The following ERC2 variants were observed in gnomAD, a reference collection of about 807,000 sequenced individuals.
ERC2 encodes ELKS/RAB6-interacting/CAST family member 2.
In ERC2, 42 loss-of-function variants were observed where a neutral mutation model predicts 114.8. The ratio of observed to expected loss-of-function variants is 0.37; its 90% CI spans 0.29 to 0.47. The LOEUF is 0.47. Among genes scored for constraint, ERC2 ranks in the 20% least tolerant of loss-of-function variants. The pLI is 0.99. For missense variants in ERC2, 939 were observed against 1,150.7 expected, an observed-to-expected ratio of 0.82 and a Z score of 2.66; for synonymous variants, 454 against 425.5, an observed-to-expected ratio of 1.07 and a Z score of -0.82.
chr3:56,432,440 A>G (rs2061833643), intron 2 of ERC2, among the ~76,000 whole-genome samples: 1 of 152,228 alleles, frequency 6.6e-6, no homozygotes, highest in African/African-American at 2.4e-5. Flanking sequence ...GTTCATAAAG[A>G]CTTCATGAAC....
intron 3 of ERC2, among the ~76,000 whole-genome samples, chr3:56,207,511 T>C (rs1323330295): frequency 6.6e-6 from 1 of 152,168 alleles, no homozygotes. Context: ...TATTGAGATA[T>C]TTCCCATTAA....
chr3:56,016,298 G>A (rs540460243), intron 8 of ERC2, among the ~76,000 whole-genome samples: 2 of 152,066 alleles, frequency 1.3e-5, no homozygotes, highest in African/African-American at 4.8e-5. Context: ...GTGTCCTGAA[G>A]GGTATTGCCT....
At chr3:55,746,329 G>A (rs978324636) in intron 14 of ERC2, among the ~76,000 whole-genome samples, 2 of 152,104 alleles carry the variant, frequency 1.3e-5, no homozygotes, top group Non-Finnish European at 2.9e-5. Context: ...TGCCTCCCGG[G>A]TTCAAGCGAT....
At chr3:55,728,529 T>C (rs1204057609) in intron 15 of ERC2, among the ~76,000 whole-genome samples, 1 of 152,116 alleles carries the variant, frequency 6.6e-6, no homozygotes, top group Admixed American at 6.5e-5. Flanking sequence ...ACAGAGCACA[T>C]TGGTTTGAGT....
At chr3:56,438,381 C>T (rs568939627) in intron 1 of ERC2, among the ~76,000 whole-genome samples, 6 of 150,944 alleles carry the variant, frequency 4.0e-5, no homozygotes, top group African/African-American at 4.9e-5. Context: ...TAAACCCTTA[C>T]GTTAGTTGGT....
At chr3:56,166,575 T>C (rs1472144233) in intron 4 of ERC2, among the ~76,000 whole-genome samples, 3 of 152,110 alleles carry the variant, frequency 2.0e-5, no homozygotes, top group South Asian at 2.1e-4. Context: ...TCATTTCCTT[T>C]AACATATAAG....
At chr3:56,150,584 C>A (rs2081364804) in intron 4 of ERC2, among the ~76,000 whole-genome samples, 1 of 151,802 alleles carries the variant, frequency 6.6e-6, no homozygotes. Context: ...TTTCATTTTC[C>A]TTTAAAAATA....
intron 17 of ERC2, among the ~76,000 whole-genome samples, chr3:55,622,581 T>A (rs966949935): frequency 6.6e-6 from 1 of 152,122 alleles, no homozygotes; most frequent in African/African-American, 2.4e-5. Flanking sequence ...GCAGCTTAAA[T>A]GTGCTACAGA....
intron 7 of ERC2, among the ~76,000 whole-genome samples, chr3:56,062,151 C>T (rs572400648): frequency 6.6e-6 from 1 of 152,200 alleles, no homozygotes; most frequent in Admixed American, 6.5e-5. Flanking sequence ...AATAAAAAGG[C>T]TATACTGTTT....
At chr3:55,761,910 TTCTC>T (rs1189787764) in intron 14 of ERC2, among the ~76,000 whole-genome samples, 1 of 147,430 alleles carries the variant, frequency 6.8e-6, no homozygotes, top group Non-Finnish European at 1.5e-5. Context: ...TGGCTTTCTT[TTCTC>T]TCTCTCTCTG....
At chr3:55,704,337 T>G (rs1042961378) in intron 15 of ERC2, among the ~76,000 whole-genome samples, 2 of 152,228 alleles carry the variant, frequency 1.3e-5, no homozygotes, top group Admixed American at 1.3e-4. Flanking sequence ...TGATCAGTCA[T>G]CTGGATCAAG....
intron 2 of ERC2, among the ~76,000 whole-genome samples, chr3:56,362,983 T>C (rs1260943032): frequency 1.3e-5 from 2 of 152,220 alleles, no homozygotes; most frequent in African/African-American, 2.4e-5. Flanking sequence ...GTACACAGGA[T>C]AGTTGCAATT....
intron 10 of ERC2, among the ~76,000 whole-genome samples, chr3:56,002,027 T>C (rs1224739327): frequency 6.6e-6 from 1 of 152,168 alleles, no homozygotes; most frequent in Admixed American, 6.6e-5. Flanking sequence ...CTGATTATTT[T>C]TTGCTTCTCT....
At chr3:56,398,749 C>T (rs950047232) in intron 2 of ERC2, among the ~76,000 whole-genome samples, 1 of 152,076 alleles carries the variant, frequency 6.6e-6, no homozygotes, top group Non-Finnish European at 1.5e-5. Flanking sequence ...GCCTCCTAAA[C>T]AGCTAGGACT....
chr3:55,930,491 C>T (rs917461771), intron 13 of ERC2, among the ~76,000 whole-genome samples: 2 of 152,106 alleles, frequency 1.3e-5, no homozygotes, highest in Non-Finnish European at 2.9e-5. Context: ...CTGATAAAAA[C>T]AAGCAATGGG....
chr3:56,253,413 A>C (rs1205628686), intron 3 of ERC2, among the ~76,000 whole-genome samples: 1 of 152,200 alleles, frequency 6.6e-6, no homozygotes, highest in Non-Finnish European at 1.5e-5. Context: ...AAAAGGGAGG[A>C]ATTGCTCTCA....
intron 3 of ERC2, among the ~76,000 whole-genome samples, chr3:56,199,122 C>A (rs976024360): frequency 6.6e-6 from 1 of 152,070 alleles, no homozygotes; most frequent in Non-Finnish European, 1.5e-5. Context: ...GGTAAGGCAG[C>A]TGAAAACAAG....
chr3:55,844,095 C>T (rs1229564200), intron 14 of ERC2, among the ~76,000 whole-genome samples: 1 of 152,128 alleles, frequency 6.6e-6, no homozygotes, highest in Non-Finnish European at 1.5e-5. Flanking sequence ...TCCAGAAATA[C>T]AAAAATGCAT....
chr3:56,137,223 G>T (rs1016121320), intron 6 of ERC2, among the ~76,000 whole-genome samples: 1 of 152,136 alleles, frequency 6.6e-6, no homozygotes, highest in African/African-American at 2.4e-5. Flanking sequence ...CCTGACTGCT[G>T]GTTTGGGTAA....
Sources: gnomAD v4.1 joint callset for allele counts (sites outside exome capture counted in the v4.1 genomes callset) on GRCh38, gnomAD v4.1.1 for gene constraint, MANE v1.5 for transcripts, NCBI Gene and HGNC (gene_info 2026-07-23, HGNC 2026-07-21) for gene names.